AGBL1: variants seen among roughly 807,000 people sequenced by gnomAD.
AGBL1 encodes the protein AGBL carboxypeptidase 1, also known as cytosolic carboxypeptidase 4.
In AGBL1, 130 loss-of-function variants were observed where a neutral mutation model predicts 118.9. The ratio of observed to expected loss-of-function variants is 1.09; its 90% confidence interval spans 0.95 to 1.26. The LOEUF (loss-of-function observed/expected upper bound fraction) is 1.26, where lower values mean the gene tolerates loss of function less well. Ranked by LOEUF, AGBL1 falls within the 50% of genes most tolerant of loss-of-function variation. AGBL1 has a pLI of 0.00. For missense variants in AGBL1, 1,584 were observed against 1,298.1 expected (o/e 1.22, Z -3.38); for synonymous variants, 555 against 478.9 (o/e 1.16, Z -2.08).
chr15:86,505,768 C>T (rs188361669), intron 18 of AGBL1, among the ~76,000 whole-genome samples: 77 of 151,922 alleles, frequency 5.1e-4, no homozygotes, highest in Non-Finnish European at 8.0e-4. Context: ...AGTTCAATAT[C>T]TGGGCTTCCA....
chr15:86,982,534 G>A (rs1426389408), intron 23 of AGBL1, among the ~76,000 whole-genome samples: 10 of 151,892 alleles, frequency 6.6e-5, no homozygotes, highest in Admixed American at 6.6e-4. Context: ...CAGTGTGTCT[G>A]CCTTTTCTTC....
chr15:86,341,725 A>G (rs759996206), intron 17 of AGBL1, among the ~76,000 whole-genome samples: 2 of 152,158 alleles, frequency 1.3e-5, no homozygotes, highest in Non-Finnish European at 2.9e-5. Context: ...CTAGAGACCA[A>G]TCGAGTTGCC....
At chr15:86,367,978 T>A (rs1474191314) in intron 17 of AGBL1, among the ~76,000 whole-genome samples, 1 of 152,100 alleles carries the variant, frequency 6.6e-6, no homozygotes, top group East Asian at 1.9e-4. Flanking sequence ...TGGGTTAGGG[T>A]TCTAGAGTCA....
intron 22 of AGBL1, among the ~76,000 whole-genome samples, chr15:86,772,363 C>G (rs1264870205): frequency 1.3e-5 from 2 of 151,996 alleles, no homozygotes; most frequent in Non-Finnish European, 2.9e-5. Context: ...GTGTGGGAAA[C>G]CTATAAGAAT....
intron 1 of AGBL1, among the ~76,000 whole-genome samples, chr15:86,089,184 T>C (rs756879715): frequency 6.6e-6 from 1 of 152,242 alleles, no homozygotes; most frequent in Non-Finnish European, 1.5e-5. Flanking sequence ...TGCCATGTTA[T>C]ATCTCTGCTT....
chr15:86,119,790 C>G (rs1390528421), intron 1 of AGBL1, among the ~76,000 whole-genome samples: 1 of 152,058 alleles, frequency 6.6e-6, no homozygotes, highest in Non-Finnish European at 1.5e-5. Flanking sequence ...GTCCTAGTAG[C>G]TGCATAGTTT....
At chr15:86,654,203 A>T (rs1209167911) in intron 21 of AGBL1, among the ~76,000 whole-genome samples, 1 of 152,060 alleles carries the variant, frequency 6.6e-6, no homozygotes, top group Non-Finnish European at 1.5e-5. Flanking sequence ...CAAGAAGGGG[A>T]GTCTTTGGTC....
intron 22 of AGBL1, among the ~76,000 whole-genome samples, chr15:86,845,666 C>CT (rs1374819682): frequency 2.0e-5 from 3 of 152,124 alleles, no homozygotes; most frequent in African/African-American, 7.2e-5. Flanking sequence ...ATTATTTCAT[C>CT]TTTTTTGATA....
At position 86,269,981 on chromosome 15, in the gene AGBL1, A is replaced by G. The variant is rs369623069; in HGVS notation, c.1901A>G (p.Tyr634Cys). 184 of 1,613,774 alleles carry G rather than the reference A, an allele frequency of 1.1e-4. 1 individual carries two copies. Among genetic ancestry groups the G allele is most frequent in the Non-Finnish European group, 6.7e-5 (79 of 1,179,856 alleles). ...AGCACCCAGCACCAGCAGTGGTTCT[A>G]TTTCAAAGTGAGCGGTATGCAGGCG... ...VNSTQHQQWF[Y>C]FKVSGMQAAI... The change falls in exon 14 of 23, where the codon TAT (tyrosine) becomes TGT (cysteine). Residue 634 changes from tyrosine to cysteine, a missense_variant. By Grantham distance (194) the Tyr-to-Cys change is radical (BLOSUM62 -2). Transcript: ENST00000614907.
chr15:86,728,656 T>G (rs1379370704), intron 22 of AGBL1, among the ~76,000 whole-genome samples: 1 of 152,250 alleles, frequency 6.6e-6, no homozygotes, highest in Non-Finnish European at 1.5e-5. Context: ...TTTTTTAAAA[T>G]ACTACATTAA....
At chr15:86,254,374 G>A (rs753435928) in intron 7 of AGBL1, among the ~76,000 whole-genome samples, 10 of 152,186 alleles carry the variant, frequency 6.6e-5, no homozygotes, top group Non-Finnish European at 1.2e-4. Context: ...AATTTGCCAC[G>A]GTTATGAAGT....
At chr15:86,944,282 G>C (rs557583231) in intron 23 of AGBL1, among the ~76,000 whole-genome samples, 87 of 152,204 alleles carry the variant, frequency 5.7e-4, no homozygotes, top group African/African-American at 2.0e-3. Flanking sequence ...GGGAGGCTGA[G>C]GCAGGAAAAT....
intron 18 of AGBL1, among the ~76,000 whole-genome samples, chr15:86,473,065 A>G: frequency 6.6e-6 from 1 of 152,376 alleles, no homozygotes; most frequent in Non-Finnish European, 1.5e-5. Flanking sequence ...CATTAGATTA[A>G]ATGAAATGTT....
In AGBL1 at chr15:86,708,364, C is replaced by T. The variant is rs531816776; in HGVS notation, c.3158+33928C>T. Among the ~76,000 whole-genome samples, 147 of 152,076 alleles carry T rather than the reference C, an allele frequency of 9.7e-4. 1 individual carries two copies. In the Middle Eastern group the frequency reaches 0.014, roughly 14 times the overall value. The stretch of plus-strand genomic sequence containing the variant: ...CTGCAGGTGTACACAAGGAGAAAGG[C>T]CATATGAGGACACAGTGAGAAGGTG... On this transcript the variant is annotated intron_variant, in intron 22 of 22. Transcript: ENST00000614907.
In AGBL1 at chr15:86,196,871, GCGCGCGCGCACA is replaced by G. The variant is rs1567119048; in HGVS notation, c.489-28041_489-28030del. Among the ~76,000 whole-genome samples the G allele has an allele frequency of 4.4e-3, 438 of 99,622 alleles. 3 individuals carry two copies. The highest frequency in any genetic ancestry group is 5.6e-3 in the Non-Finnish European group (292 of 52,224). 65.4% of individuals were successfully genotyped at this position (99,622 alleles called of 152,430 possible). ...TGCATATGCGAATGTGCACATGTGC[GCGCGCGCGCACA>G]CACACACACACACACACACACACAC... On this transcript the variant is annotated intron_variant, in intron 5 of 22. Coordinates refer to ENST00000614907, the MANE Select transcript of AGBL1 (RefSeq NM_001386094.1).
At chr15:86,943,209 A>C (rs917695566) in intron 23 of AGBL1, among the ~76,000 whole-genome samples, 3 of 152,200 alleles carry the variant, frequency 2.0e-5, no homozygotes, top group African/African-American at 2.4e-5. Context: ...TTCTATCTTG[A>C]AACTACCTAT....
At chr15:86,754,378 A>G (rs2077902227) in intron 22 of AGBL1, among the ~76,000 whole-genome samples, 1 of 152,110 alleles carries the variant, frequency 6.6e-6, no homozygotes, top group African/African-American at 2.4e-5. Flanking sequence ...GAATTTAAGC[A>G]ACAATCAAAC....
rs79444087 is a variant in AGBL1, at chr15:86,162,644, C to T, written c.488+3618C>T. On this transcript the variant is annotated intron_variant, in intron 5 of 22. Coordinates refer to ENST00000614907, the MANE Select transcript of AGBL1 (RefSeq NM_001386094.1). ...TTCCTTCCTTCGGCTCCTCATGAGTCCCATGCTAGTGGGAACAGTTATGGT... is the reference window on the plus strand; with the variant it reads ...TTCCTTCCTTCGGCTCCTCATGAGTTCCATGCTAGTGGGAACAGTTATGGT... Among the ~76,000 whole-genome samples the T allele has an allele frequency of 7.2e-3, 1,100 of 152,262 alleles. 10 individuals are homozygous for T. The highest frequency in any genetic ancestry group is 0.025 in the African/African-American group (1,053 of 41,532).
At chr15:86,722,710 G>A (rs141174224) in intron 22 of AGBL1, among the ~76,000 whole-genome samples, 7,143 of 152,256 alleles carry the variant, frequency 0.047, 308 homozygotes, top group East Asian at 0.13. Context: ...TATCATCAGA[G>A]TGAACAGGCA....
Sources: allele counts gnomAD v4.1 joint callset (sites outside exome capture counted in the v4.1 genomes callset), GRCh38; gene constraint gnomAD v4.1.1; transcripts MANE v1.5; gene names NCBI Gene and HGNC (gene_info 2026-07-23, HGNC 2026-07-21).